The following TRDN variants were observed in gnomAD, a reference collection of about 807,000 sequenced individuals.
TRDN encodes the protein triadin in skeletal muscle.
TRDN carries 161 observed loss-of-function variants against 149.7 expected under a neutral mutation model. That is an observed-to-expected ratio of 1.08 (90% CI 0.95 to 1.23). The LOEUF (loss-of-function observed/expected upper bound fraction) is 1.23. Among genes scored for constraint, TRDN ranks in the 50% most tolerant of loss-of-function variants. The pLI, the probability that TRDN is intolerant of heterozygous loss-of-function variation, is 0.00. For synonymous variants in TRDN, 294 were observed against 250.5 expected (o/e 1.17, Z -1.64); for missense variants, 896 against 823.5 (o/e 1.09, Z -1.08).
At chr6:123,299,597 C>A (rs1035054356) in intron 24 of TRDN, among the ~76,000 whole-genome samples, 12 of 151,988 alleles carry the variant, frequency 7.9e-5, no homozygotes, top group African/African-American at 2.7e-4. Flanking sequence ...TTCTGAAACA[C>A]CTTCCTCTGG....
intron 12 of TRDN, among the ~76,000 whole-genome samples, chr6:123,401,005 G>A (rs560943419): frequency 1.3e-5 from 2 of 152,284 alleles, no homozygotes; most frequent in East Asian, 3.9e-4. Flanking sequence ...GTACTGAGCA[G>A]CCATCCCGAA....
chr6:123,288,959 A>C, intron 24 of TRDN, among the ~76,000 whole-genome samples: 1 of 151,436 alleles, frequency 6.6e-6, no homozygotes, highest in African/African-American at 2.4e-5. Flanking sequence ...AGCATTATTC[A>C]CAGTAGGCAA....
At chr6:123,261,511 A>T (rs9388204) in intron 33 of TRDN, among the ~76,000 whole-genome samples, 130,778 of 150,708 alleles carry the variant, frequency 0.87, 57,063 homozygotes, top group East Asian at 0.99. Flanking sequence ...AGTTTTTTTT[A>T]AAAAAAACTT....
chr6:123,263,434 C>T (rs987615748), intron 33 of TRDN, among the ~76,000 whole-genome samples: 10 of 151,928 alleles, frequency 6.6e-5, no homozygotes, highest in South Asian at 4.1e-4. Flanking sequence ...CATCAAATGC[C>T]GATACAGAAG....
chr6:123,246,790 GA>G (rs139540215), intron 38 of TRDN, among the ~76,000 whole-genome samples: 137 of 137,808 alleles, frequency 9.9e-4, no homozygotes, highest in African/African-American at 2.6e-3. Flanking sequence ...AGACATAACA[GA>G]AAAAAAAAAA....
chr6:123,304,111 T>A (rs1232159832), intron 24 of TRDN, among the ~76,000 whole-genome samples: 1 of 151,850 alleles, frequency 6.6e-6, no homozygotes, highest in African/African-American at 2.4e-5. Context: ...AAAAGGACAA[T>A]GGAAGAGATG....
intron 24 of TRDN, among the ~76,000 whole-genome samples, chr6:123,298,542 T>C (rs942503818): frequency 3.9e-5 from 6 of 152,030 alleles, no homozygotes; most frequent in Non-Finnish European, 5.9e-5. Flanking sequence ...CTCATTTGTC[T>C]CCCCAGATAG....
At chr6:123,233,806 C>A (rs4994595) in intron 38 of TRDN, among the ~76,000 whole-genome samples, 1 of 151,882 alleles carries the variant, frequency 6.6e-6, no homozygotes, top group African/African-American at 2.4e-5. Flanking sequence ...GATGTTTTCT[C>A]TTTATTTTTT....
At chr6:123,350,067 G>T (rs1780400027) in intron 21 of TRDN, 15 of 982,040 alleles carry the variant, frequency 1.5e-5, no homozygotes, top group Non-Finnish European at 1.7e-5. Context: ...AGTGAACTCT[G>T]ATACATTTAT....
chr6:123,513,969 C>G (rs1340671450), intron 6 of TRDN, among the ~76,000 whole-genome samples: 1 of 152,138 alleles, frequency 6.6e-6, no homozygotes. Flanking sequence ...ATCCTAGACA[C>G]AATCCACCCT....
At chr6:123,424,320 A>G (rs1470847400) in intron 12 of TRDN, among the ~76,000 whole-genome samples, 1 of 152,080 alleles carries the variant, frequency 6.6e-6, no homozygotes, top group Non-Finnish European at 1.5e-5. Context: ...TTCTTCCACA[A>G]TGACATTCAC....
chr6:123,269,764 A>AT (rs1369556554), intron 31 of TRDN, 85 bp downstream of exon 31: 3 of 1,390,468 alleles, frequency 2.2e-6, no homozygotes, highest in Non-Finnish European at 3.0e-6. Flanking sequence ...TGAAAATAAC[A>AT]TTTTTCTTAA....
In TRDN at chr6:123,283,985, C is replaced by CATATATATATAT. The variant is rs57419103; in HGVS notation, c.1511-4915_1511-4904dup. Among the ~76,000 whole-genome samples the CATATATATATAT allele has an allele frequency of 1.8e-3, 103 of 57,204 alleles. 15 individuals are homozygous for CATATATATATAT. The highest frequency in any genetic ancestry group is 5.8e-3 in the African/African-American group (62 of 10,646). 37.5% of individuals were successfully genotyped at this position (57,204 alleles called of 152,430 possible). A position where few individuals can be genotyped will look rare whatever the true frequency, so the allele number is the denominator to read the frequency against. ...ATAGGTGCAGCACACCAACATGGCACATATATATATATATATATGTAACAA... is the reference window on the plus strand; with the variant it reads ...ATAGGTGCAGCACACCAACATGGCACATATATATATATATATATATATATATATATGTAACAA... On this transcript the variant is annotated intron_variant, in intron 24 of 40. Coordinates refer to ENST00000334268, the MANE Select transcript of TRDN (RefSeq NM_006073.4).
At chr6:123,372,762 CAGTCT>C (rs1482413853) in intron 19 of TRDN, among the ~76,000 whole-genome samples, 13 of 152,130 alleles carry the variant, frequency 8.5e-5, no homozygotes. Flanking sequence ...AAGCACTCTA[CAGTCT>C]ACACATCTAC....
chr6:123,256,407 C>T (rs566939883), intron 35 of TRDN, among the ~76,000 whole-genome samples: 30 of 152,164 alleles, frequency 2.0e-4, no homozygotes, highest in Non-Finnish European at 3.5e-4. Flanking sequence ...CTTGAGGAAT[C>T]GCCACACTGT....
chr6:123,291,517 A>T (rs1778012055), intron 24 of TRDN, among the ~76,000 whole-genome samples: 1 of 151,876 alleles, frequency 6.6e-6, no homozygotes, highest in African/African-American at 2.4e-5. Context: ...GTGAGCCGAG[A>T]TCACACCACT....
intron 23 of TRDN, among the ~76,000 whole-genome samples, chr6:123,326,368 T>C (rs1779457033): frequency 6.6e-6 from 1 of 152,060 alleles, no homozygotes; most frequent in Admixed American, 6.6e-5. Flanking sequence ...ATTCTAAGCA[T>C]GTCCTTTTCT....
At chr6:123,430,341 G>A (rs756808973) in intron 12 of TRDN, among the ~76,000 whole-genome samples, 1 of 151,958 alleles carries the variant, frequency 6.6e-6, no homozygotes, top group Non-Finnish European at 1.5e-5. Context: ...CCAGCACTTT[G>A]GGAGGCCGAG....
At chr6:123,416,538 AC>A (rs1368623531) in intron 12 of TRDN, among the ~76,000 whole-genome samples, 6 of 152,204 alleles carry the variant, frequency 3.9e-5, no homozygotes, top group Admixed American at 2.0e-4. Flanking sequence ...AAAACACAGC[AC>A]CTTCCATATT....
Sources: allele counts gnomAD v4.1 joint callset (sites outside exome capture counted in the v4.1 genomes callset), GRCh38; gene constraint gnomAD v4.1.1; transcripts MANE v1.5; gene names NCBI Gene and HGNC (gene_info 2026-07-23, HGNC 2026-07-21).